The following KDM4C variants were observed in gnomAD, a reference collection of about 807,000 sequenced individuals.
The protein encoded by KDM4C is lysine demethylase 4C, also known as lysine-specific demethylase 4C.
KDM4C carries 81 observed loss-of-function variants against 129.3 expected under a neutral mutation model. The observed-to-expected ratio is 0.63, with a 90% confidence interval of 0.52 to 0.75. The LOEUF is 0.75. Among genes scored for constraint, KDM4C ranks in the 30% least tolerant of loss-of-function variants. KDM4C has a pLI of 0.00. For missense variants in KDM4C, 1,457 were observed against 1,304.0 expected, an observed-to-expected ratio of 1.12 and a Z score of -1.81; for synonymous variants, 573 against 456.1, an observed-to-expected ratio of 1.26 and a Z score of -3.26.
At chr9:7,009,082 A>G (rs909107833) in intron 12 of KDM4C, among the ~76,000 whole-genome samples, 46 of 152,364 alleles carry the variant, frequency 3.0e-4, no homozygotes, top group African/African-American at 1.1e-3. Context: ...AAGTAATTCA[A>G]AATAATAATC....
chr9:6,803,440 C>T (rs1260510724), intron 2 of KDM4C, among the ~76,000 whole-genome samples: 1 of 151,516 alleles, frequency 6.6e-6, no homozygotes, highest in Non-Finnish European at 1.5e-5. Flanking sequence ...CATGGTGGTG[C>T]GCACCTGTAG....
intron 21 of KDM4C, among the ~76,000 whole-genome samples, chr9:7,174,131 A>G (rs1845223380): frequency 6.6e-6 from 1 of 152,226 alleles, no homozygotes; most frequent in Non-Finnish European, 1.5e-5. Context: ...AAGGTGTCAC[A>G]GGAATTAGCA....
chr9:6,934,816 C>CA (rs896346213), intron 8 of KDM4C, among the ~76,000 whole-genome samples: 1 of 151,144 alleles, frequency 6.6e-6, no homozygotes, highest in Non-Finnish European at 1.5e-5. Context: ...CTTCTTTTTC[C>CA]AAAAAAATAA....
chr9:6,968,252 A>C (rs1196259887), intron 8 of KDM4C, among the ~76,000 whole-genome samples: 1 of 152,176 alleles, frequency 6.6e-6, no homozygotes, highest in Non-Finnish European at 1.5e-5. Flanking sequence ...GAAGTGGGAG[A>C]TTCACTTGAG....
chr9:6,891,929 T>C (rs1438163025), intron 7 of KDM4C, among the ~76,000 whole-genome samples: 3 of 152,218 alleles, frequency 2.0e-5, no homozygotes, highest in African/African-American at 7.2e-5. Flanking sequence ...ACTGTACATT[T>C]ATTATCTGAG....
chr9:6,769,757 G>A (rs968054839), intron 1 of KDM4C, among the ~76,000 whole-genome samples: 2 of 152,170 alleles, frequency 1.3e-5, no homozygotes, highest in Non-Finnish European at 2.9e-5. Context: ...CAAGCACATG[G>A]AGAAAGGGTC....
intron 17 of KDM4C, among the ~76,000 whole-genome samples, chr9:7,082,909 T>G (rs1477038548): frequency 6.6e-6 from 1 of 152,194 alleles, no homozygotes; most frequent in African/African-American, 2.4e-5. Context: ...TACCAAACAT[T>G]AAGGACTTTT....
At chr9:6,771,070 G>A (rs1040188827) in intron 1 of KDM4C, among the ~76,000 whole-genome samples, 1 of 139,430 alleles carries the variant, frequency 7.2e-6, no homozygotes, top group African/African-American at 2.7e-5. Context: ...CACTGCGCCC[G>A]ACTGTGAATC....
chr9:6,826,163 T>A (rs761266045), intron 4 of KDM4C, among the ~76,000 whole-genome samples: 1 of 152,016 alleles, frequency 6.6e-6, no homozygotes, highest in East Asian at 1.9e-4. Context: ...TATTTCTTCT[T>A]GAGCTGGGGA....
intron 8 of KDM4C, among the ~76,000 whole-genome samples, chr9:6,953,518 T>C (rs192883916): frequency 2.5e-3 from 375 of 152,374 alleles, no homozygotes; most frequent in African/African-American, 8.7e-3. Flanking sequence ...ACTATAAAGC[T>C]TTCTTTTATT....
intron 3 of KDM4C, among the ~76,000 whole-genome samples, chr9:6,808,691 A>T (rs1044583702): frequency 0.014 from 1,773 of 126,136 alleles, 11 homozygotes; most frequent in African/African-American, 0.018. Context: ...AATTATCAAT[A>T]AAAAAAAAAA....
chr9:7,032,581 A>G (rs1042280192), intron 15 of KDM4C, among the ~76,000 whole-genome samples: 4 of 152,232 alleles, frequency 2.6e-5, no homozygotes, highest in African/African-American at 4.8e-5. Context: ...CTTGATACCG[A>G]TAAAGGCTAA....
chr9:6,775,466 T>C (rs1822816967), intron 1 of KDM4C, among the ~76,000 whole-genome samples: 1 of 152,160 alleles, frequency 6.6e-6, no homozygotes, highest in South Asian at 2.1e-4. Context: ...AATGCTGTAA[T>C]GAACATTATT....
intron 8 of KDM4C, among the ~76,000 whole-genome samples, chr9:6,921,022 G>T (rs1266949789): frequency 6.6e-6 from 1 of 151,524 alleles, no homozygotes; most frequent in Non-Finnish European, 1.5e-5. Context: ...TTTTTAAATC[G>T]GCTTTTCTCC....
intron 4 of KDM4C, among the ~76,000 whole-genome samples, chr9:6,821,895 A>G (rs1457785901): frequency 6.6e-6 from 1 of 152,128 alleles, no homozygotes; most frequent in South Asian, 2.1e-4. Flanking sequence ...TTGGCCTCCC[A>G]AAGTGCTGGG....
intron 4 of KDM4C, among the ~76,000 whole-genome samples, chr9:6,848,182 C>G (rs1357675482): frequency 6.6e-6 from 1 of 152,184 alleles, no homozygotes; most frequent in Admixed American, 6.5e-5. Flanking sequence ...GCGTGAGCCA[C>G]TGCACCTGGC....
chr9:7,014,590 C>T (rs1017406582), intron 14 of KDM4C, among the ~76,000 whole-genome samples: 1 of 152,030 alleles, frequency 6.6e-6, no homozygotes. Context: ...CCATGTAAAT[C>T]CTATGAACTA....
chr9:7,166,983 TAAAC>T (rs1458984297), intron 20 of KDM4C, among the ~76,000 whole-genome samples: 2 of 152,166 alleles, frequency 1.3e-5, no homozygotes, highest in Admixed American at 1.3e-4. Context: ...CACCATCAAA[TAAAC>T]AAAGACAGTT....
intron 15 of KDM4C, among the ~76,000 whole-genome samples, chr9:7,018,353 A>G (rs1186958435): frequency 1.3e-5 from 2 of 152,238 alleles, no homozygotes; most frequent in Non-Finnish European, 2.9e-5. Context: ...TCTTTATGTG[A>G]CACATGACCA....
Sources: allele counts gnomAD v4.1 joint callset (sites outside exome capture counted in the v4.1 genomes callset), GRCh38; gene constraint gnomAD v4.1.1; transcripts MANE v1.5; gene names NCBI Gene and HGNC (gene_info 2026-07-23, HGNC 2026-07-21).